ERBB4: variants seen among roughly 807,000 people sequenced by gnomAD.
ERBB4 encodes the protein erb-b2 receptor tyrosine kinase 4, also known as receptor tyrosine-protein kinase erbB-4.
Under a neutral mutation model 158.0 loss-of-function variants are expected in ERBB4, and 42 were observed. The ratio of observed to expected loss-of-function variants is 0.27; its 90% confidence interval spans 0.21 to 0.34. The LOEUF (loss-of-function observed/expected upper bound fraction) is 0.34. Ranked by LOEUF, ERBB4 falls within the 10% of genes least tolerant of loss-of-function variation. The probability of loss-of-function intolerance (pLI) is 1.00; values close to 1 mark genes in which losing one functional copy is unlikely to be tolerated. For missense variants in ERBB4, 1,333 were observed against 1,624.1 expected (o/e 0.82, Z 3.08); for synonymous variants, 583 against 558.7 (o/e 1.04, Z -0.61).
At chr2:211,823,481 A>G in intron 3 of ERBB4, among the ~76,000 whole-genome samples, 1 of 151,930 alleles carries the variant, frequency 6.6e-6, no homozygotes, top group East Asian at 1.9e-4. Flanking sequence ...AAATAAAAAT[A>G]TATATTATTT....
intron 2 of ERBB4, among the ~76,000 whole-genome samples, chr2:212,054,730 G>T (rs1052549467): frequency 6.6e-6 from 1 of 152,166 alleles, no homozygotes; most frequent in Admixed American, 6.5e-5. Flanking sequence ...TTTTCTGGAA[G>T]ATGCTGGCTG....
At chr2:211,444,849 T>C (rs936232919) in intron 20 of ERBB4, among the ~76,000 whole-genome samples, 1 of 152,116 alleles carries the variant, frequency 6.6e-6, no homozygotes, top group Non-Finnish European at 1.5e-5. Flanking sequence ...ACGTAAATGA[T>C]GTGTTCAGAA....
intron 1 of ERBB4, among the ~76,000 whole-genome samples, chr2:212,328,542 G>A (rs2087972806): frequency 6.6e-6 from 1 of 151,924 alleles, no homozygotes; most frequent in Non-Finnish European, 1.5e-5. Context: ...GAAAATATGT[G>A]TCATAATAGT....
intron 20 of ERBB4, among the ~76,000 whole-genome samples, chr2:211,543,200 A>G (rs895322357): frequency 2.0e-5 from 3 of 152,010 alleles, no homozygotes; most frequent in Non-Finnish European, 2.9e-5. Flanking sequence ...ACTCACCAGT[A>G]GGAAAAGCAA....
chr2:212,481,166 A>G (rs1219297615), intron 1 of ERBB4, among the ~76,000 whole-genome samples: 9 of 116,810 alleles, frequency 7.7e-5, no homozygotes, highest in African/African-American at 8.8e-5. Flanking sequence ...TCTGTAAATT[A>G]CATACAACAA....
intron 3 of ERBB4, among the ~76,000 whole-genome samples, chr2:211,819,091 T>C (rs970984556): frequency 5.9e-5 from 9 of 152,112 alleles, no homozygotes; most frequent in Non-Finnish European, 2.9e-5. Flanking sequence ...ATTTGAACCT[T>C]GCCTAAAATC....
intron 2 of ERBB4, among the ~76,000 whole-genome samples, chr2:211,970,724 G>A (rs1247189230): frequency 6.6e-6 from 1 of 151,808 alleles, no homozygotes; most frequent in African/African-American, 2.4e-5. Flanking sequence ...TTTTCCATTT[G>A]CCTGGAAGAT....
intron 1 of ERBB4, among the ~76,000 whole-genome samples, chr2:212,258,654 T>C (rs1262719018): frequency 6.7e-6 from 1 of 148,964 alleles, no homozygotes; most frequent in Non-Finnish European, 1.5e-5. Flanking sequence ...ATGTTTTTAA[T>C]AGAACATTGA....
intron 13 of ERBB4, among the ~76,000 whole-genome samples, chr2:211,676,563 GA>G (rs1252980985): frequency 1.3e-5 from 2 of 149,254 alleles, no homozygotes; most frequent in Admixed American, 1.3e-4. Context: ...GGTGTTCTGG[GA>G]AAAAAACAAA....
intron 2 of ERBB4, among the ~76,000 whole-genome samples, chr2:211,953,485 AAAG>A (rs1470186521): frequency 1.3e-5 from 2 of 150,908 alleles, no homozygotes; most frequent in Non-Finnish European, 3.0e-5. Flanking sequence ...AAAAAAAAAA[AAAG>A]AAGAAGAAGA....
intron 1 of ERBB4, among the ~76,000 whole-genome samples, chr2:212,522,224 T>A (rs138420572): frequency 1.1e-3 from 167 of 152,106 alleles, no homozygotes; most frequent in Non-Finnish European, 1.5e-3. Context: ...TCTGTTTCCT[T>A]GTTTGTAAAA....
At chr2:212,225,618 T>C (rs1004721418) in intron 1 of ERBB4, among the ~76,000 whole-genome samples, 4 of 151,450 alleles carry the variant, frequency 2.6e-5, no homozygotes, top group Non-Finnish European at 5.9e-5. Flanking sequence ...TGTGTAGATA[T>C]ATAATTTTCA....
intron 2 of ERBB4, among the ~76,000 whole-genome samples, chr2:212,109,705 G>C (rs1312295415): frequency 6.6e-6 from 1 of 152,158 alleles, no homozygotes; most frequent in African/African-American, 2.4e-5. Context: ...GAGGATACAT[G>C]ATTGTTTCAT....
At chr2:211,551,753 C>A (rs921177139) in intron 20 of ERBB4, among the ~76,000 whole-genome samples, 4 of 152,118 alleles carry the variant, frequency 2.6e-5, no homozygotes, top group Non-Finnish European at 4.4e-5. Flanking sequence ...AATGTCAGCA[C>A]CCAGTTCAAG....
At chr2:212,418,293 T>C (rs932568247) in intron 1 of ERBB4, among the ~76,000 whole-genome samples, 1 of 151,908 alleles carries the variant, frequency 6.6e-6, no homozygotes, top group African/African-American at 2.4e-5. Context: ...TATTGTAAAA[T>C]CCAGTTCTTG....
At chr2:212,447,058 G>T (rs977865951) in intron 1 of ERBB4, among the ~76,000 whole-genome samples, 3 of 149,920 alleles carry the variant, frequency 2.0e-5, no homozygotes, top group Non-Finnish European at 4.4e-5. Flanking sequence ...GTGCAGTGGC[G>T]CAATCTCAGC....
At chr2:212,140,952 T>C (rs1396414280) in intron 1 of ERBB4, among the ~76,000 whole-genome samples, 8 of 151,194 alleles carry the variant, frequency 5.3e-5, no homozygotes, top group Admixed American at 2.6e-4. Flanking sequence ...TTCTAGTTCA[T>C]GCAATTTGAT....
chr2:211,871,479 C>T (rs1378151839), intron 3 of ERBB4, among the ~76,000 whole-genome samples: 1 of 151,254 alleles, frequency 6.6e-6, no homozygotes, highest in Non-Finnish European at 1.5e-5. Context: ...AGGGCCTTTT[C>T]CAAAAGCAGT....
intron 20 of ERBB4, among the ~76,000 whole-genome samples, chr2:211,434,459 G>C (rs1176233834): frequency 6.6e-6 from 1 of 152,124 alleles, no homozygotes; most frequent in Non-Finnish European, 1.5e-5. Flanking sequence ...GAACAACTAG[G>C]AATCAGGTCC....
Sources: gnomAD v4.1 joint callset for allele counts (sites outside exome capture counted in the v4.1 genomes callset) on GRCh38, gnomAD v4.1.1 for gene constraint, MANE v1.5 for transcripts, NCBI Gene and HGNC (gene_info 2026-07-23, HGNC 2026-07-21) for gene names.